Variants in RNLS observed in about 807,000 individuals in gnomAD.
RNLS encodes the protein renalase, FAD dependent amine oxidase.
Under a neutral mutation model 39.8 loss-of-function variants are expected in RNLS, and 39 were observed. The observed-to-expected ratio is 0.98, with a 90% CI of 0.76 to 1.28. The LOEUF (loss-of-function observed/expected upper bound fraction) is 1.28. RNLS is among the 50% of genes most tolerant of loss of function. RNLS has a pLI of 0.00. For synonymous variants in RNLS, 147 were observed against 150.7 expected (o/e 0.98, Z 0.18); for missense variants, 410 against 413.3 (o/e 0.99, Z 0.07).
the RNLS span, among the ~76,000 whole-genome samples, chr10:88,229,554 A>G: frequency 6.6e-6 from 1 of 152,232 alleles, no homozygotes; most frequent in Non-Finnish European, 1.5e-5. Flanking sequence ...TTTAAAGTCT[A>G]TAATTCAATG....
At chr10:88,393,411 G>A (rs1852340941) in intron 4 of RNLS, among the ~76,000 whole-genome samples, 1 of 151,948 alleles carries the variant, frequency 6.6e-6, no homozygotes, top group Non-Finnish European at 1.5e-5. Flanking sequence ...GACAAACAGA[G>A]AGCCAAATCA....
chr10:88,395,816 A>G (rs558835226), intron 4 of RNLS, among the ~76,000 whole-genome samples: 47 of 152,240 alleles, frequency 3.1e-4, no homozygotes, highest in African/African-American at 9.6e-4. Context: ...TGAAATACAA[A>G]GACAAAGAGA....
intron 4 of RNLS, among the ~76,000 whole-genome samples, chr10:88,376,230 T>TC (rs1318266711): frequency 6.6e-6 from 1 of 152,076 alleles, no homozygotes; most frequent in Non-Finnish European, 1.5e-5. Flanking sequence ...CATCCACTGT[T>TC]CCCCAAGTGT....
intron 5 of RNLS, among the ~76,000 whole-genome samples, chr10:88,319,835 A>G (rs1312084572): frequency 6.6e-6 from 1 of 152,140 alleles, no homozygotes; most frequent in East Asian, 1.9e-4. Flanking sequence ...AGAGAGAAGA[A>G]GAAAAAGAAA....
chr10:88,224,923 T>A, the RNLS span, among the ~76,000 whole-genome samples: 1 of 152,218 alleles, frequency 6.6e-6, no homozygotes, highest in East Asian at 1.9e-4. Context: ...TCACCATTTA[T>A]AGATTAAGAA....
At chr10:88,213,597 C>T in the RNLS span, among the ~76,000 whole-genome samples, 1 of 152,068 alleles carries the variant, frequency 6.6e-6, no homozygotes, top group Non-Finnish European at 1.5e-5. Context: ...CTGTTCCTGC[C>T]AGAGCCGCCA....
chr10:88,420,081 AAAT>A (rs1173212393), intron 4 of RNLS, among the ~76,000 whole-genome samples: 4 of 151,088 alleles, frequency 2.6e-5, no homozygotes, highest in Non-Finnish European at 5.9e-5. Context: ...TAAATAAATA[AAAT>A]AATAAGAGCA....
chr10:88,515,110 C>G (rs1252173551), intron 4 of RNLS, among the ~76,000 whole-genome samples: 1 of 151,900 alleles, frequency 6.6e-6, no homozygotes, highest in African/African-American at 2.4e-5. Flanking sequence ...TACTATCTTA[C>G]TGGCCTTTTC....
chr10:88,435,600 T>C (rs1156879338), intron 4 of RNLS, among the ~76,000 whole-genome samples: 1 of 152,110 alleles, frequency 6.6e-6, no homozygotes, highest in East Asian at 1.9e-4. Flanking sequence ...AAATGAAACA[T>C]TAATGCATCT....
chr10:88,576,275 T>C lies in RNLS; in HGVS notation c.368-3214A>G, dbSNP rs78479766. On this transcript the variant is annotated intron_variant, in intron 3 of 6. Coordinates refer to ENST00000331772, the MANE Select transcript of RNLS (RefSeq NM_001031709.3). ...ACAGAGGCCAGGATCATGTCTCTTA[T>C]TGACTTTTGTTTCCCCAGCACATAA... 1.4e-3 allele frequency among the ~76,000 whole-genome samples: 208 copies of C among 152,324 alleles called. 4 individuals carry two copies. Among genetic ancestry groups the C allele is most frequent in the Non-Finnish European group, 6.2e-4 (42 of 68,022 alleles).
chr10:88,465,564 G>T (rs1843157991), intron 4 of RNLS, among the ~76,000 whole-genome samples: 1 of 152,054 alleles, frequency 6.6e-6, no homozygotes, highest in South Asian at 2.1e-4. Context: ...GGTGCAGGGG[G>T]ATGGTCAGGC....
At chr10:88,434,553 T>C (rs1170131449) in intron 4 of RNLS, among the ~76,000 whole-genome samples, 2 of 152,204 alleles carry the variant, frequency 1.3e-5, no homozygotes, top group East Asian at 3.8e-4. Context: ...TTGCTTAACA[T>C]TGCTGAATCT....
At chr10:88,409,533 C>T (rs1057163241) in intron 4 of RNLS, among the ~76,000 whole-genome samples, 1 of 152,082 alleles carries the variant, frequency 6.6e-6, no homozygotes, top group African/African-American at 2.4e-5. Flanking sequence ...CATTTTCCTA[C>T]AAGAAAACAG....
chr10:88,264,007 T>C, the RNLS span, among the ~76,000 whole-genome samples: 3 of 152,194 alleles, frequency 2.0e-5, no homozygotes, highest in African/African-American at 4.8e-5. Context: ...AAGTCCATTG[T>C]ATCATTCTTA....
the RNLS span, among the ~76,000 whole-genome samples, chr10:88,196,144 T>C: frequency 6.6e-6 from 1 of 151,006 alleles, no homozygotes; most frequent in Non-Finnish European, 1.5e-5. Context: ...ACTTGAGGGA[T>C]CTCTCTTTTT....
chr10:88,428,267 A>C (rs529433747), intron 4 of RNLS, among the ~76,000 whole-genome samples: 4 of 152,048 alleles, frequency 2.6e-5, no homozygotes, highest in African/African-American at 9.6e-5. Flanking sequence ...ATAAGAAAAC[A>C]CACTTTTGCA....
At chr10:88,246,353 T>C in the RNLS span, among the ~76,000 whole-genome samples, 3 of 152,124 alleles carry the variant, frequency 2.0e-5, no homozygotes, top group Non-Finnish European at 4.4e-5. Flanking sequence ...TCTCAGCTCA[T>C]TATTTCTCTT....
rs80224134 is a variant in RNLS at position 88,388,480 on chromosome 10, A to G, written c.527-25755T>C. 3.1e-3 allele frequency among the ~76,000 whole-genome samples: 467 copies of G among 152,270 alleles called. 1 individual carries two copies. The highest frequency in any genetic ancestry group is 0.02 in the Middle Eastern group (6 of 294). ...CAGTTTAATTTGCCTCACTCTGCCT[A>G]GGACTCACTGTTCTAGCTATGGAGG... On this transcript the variant is annotated intron_variant, in intron 4 of 6. Coordinates refer to ENST00000331772, the MANE Select transcript of RNLS (RefSeq NM_001031709.3).
At chr10:88,226,561 C>T in the RNLS span, among the ~76,000 whole-genome samples, 2 of 152,142 alleles carry the variant, frequency 1.3e-5, no homozygotes, top group African/African-American at 4.8e-5. Context: ...AACCTTTGCT[C>T]TCTGAAATGA....
Sources: allele counts gnomAD v4.1 joint callset (sites outside exome capture counted in the v4.1 genomes callset), GRCh38; gene constraint gnomAD v4.1.1; transcripts MANE v1.5; gene names NCBI Gene and HGNC (gene_info 2026-07-23, HGNC 2026-07-21).